The following CMC2 variants were observed in gnomAD, a reference collection of about 807,000 sequenced individuals.
CMC2 encodes the protein COX assembly mitochondrial protein 2 homolog.
Under a neutral mutation model 7.5 loss-of-function variants are expected in CMC2, and 5 were observed. The observed-to-expected ratio is 0.66, with a 90% CI of 0.35 to 1.40. CMC2 has a LOEUF of 1.40. Among genes scored for constraint, CMC2 ranks in the 40% most tolerant of loss-of-function variants. CMC2 has a pLI of 0.04. For missense variants in CMC2, 115 were observed against 92.3 expected (o/e 1.25, Z -1.01); for synonymous variants, 37 against 31.4 (o/e 1.18, Z -0.60).
intron 2 of CMC2, 186 bp downstream of exon 2, chr16:80,997,128 C>T: frequency 6.7e-6 from 4 of 595,180 alleles, no homozygotes; most frequent in Non-Finnish European, 1.2e-5. Flanking sequence ...TTTTACTAAT[C>T]ATAAAAGGAG....
Position 80,973,979 on chromosome 16 carries a change from C to G in CMC2, c.*2114G>C, listed in dbSNP as rs1007805924. 1.3e-5 allele frequency: 2 copies of G among 152,202 alleles called. No individual in the cohort carries two copies. The highest frequency in any genetic ancestry group is 4.8e-5 in the African/African-American group (2 of 41,452). The allele number at this position is 152,202 out of a possible 1,614,324, so 9.4% of individuals were successfully genotyped here. Reference sequence around the variant, plus strand: ...CTGACATTGGCCTACAGGGCCTTAGCTGGCATCTGCATGCTGACATCTCCC... The same window carrying G: ...CTGACATTGGCCTACAGGGCCTTAGGTGGCATCTGCATGCTGACATCTCCC... On this transcript the variant is annotated 3_prime_UTR_variant, in exon 4 of 4. Coordinates refer to ENST00000219400, the MANE Select transcript of CMC2 (RefSeq NM_020188.5).
At chr16:80,983,373 G>A (rs571928043) in intron 2 of CMC2, 1 of 152,306 alleles carries the variant, frequency 6.6e-6, no homozygotes, top group Admixed American at 6.5e-5. Context: ...TAAATGTTCT[G>A]CAAGTAGAAA....
At chr16:81,004,018 T>A (rs1278230698) in intron 1 of CMC2, among the ~76,000 whole-genome samples, 1 of 151,876 alleles carries the variant, frequency 6.6e-6, no homozygotes, top group South Asian at 2.1e-4. Context: ...AGGTCAGGAG[T>A]TCGAGACCAG....
chr16:80,996,122 C>T (rs1044244662), intron 2 of CMC2, among the ~76,000 whole-genome samples: 1 of 152,004 alleles, frequency 6.6e-6, no homozygotes, highest in Non-Finnish European at 1.5e-5. Context: ...GGTTGAAAAA[C>T]TCTGCCCCTT....
intron 3 of CMC2, chr16:80,978,185 A>G: frequency 1.3e-6 from 1 of 770,838 alleles, no homozygotes; most frequent in African/African-American, 1.9e-5. Flanking sequence ...AAAATCAATA[A>G]AACGTATTCT....
intron 3 of CMC2, among the ~76,000 whole-genome samples, chr16:80,976,591 G>A (rs1316974041): frequency 6.6e-6 from 1 of 152,160 alleles, no homozygotes; most frequent in Non-Finnish European, 1.5e-5. Flanking sequence ...TCACTTCCTT[G>A]AGAGGTAGCC....
intron 1 of CMC2, among the ~76,000 whole-genome samples, chr16:81,001,976 G>C (rs1968899684): frequency 6.6e-6 from 1 of 152,110 alleles, no homozygotes; most frequent in Non-Finnish European, 1.5e-5. Flanking sequence ...CTGACTCCAA[G>C]ATCCTTCCAA....
Position 80,970,400 on chromosome 16 carries a change from G to T in CMC2, c.*5693C>A, listed in dbSNP as rs1274671046. The T allele has an allele frequency of 6.6e-6, 1 of 152,164 alleles. No homozygotes were observed. Among genetic ancestry groups the T allele is most frequent in the African/African-American group, 2.4e-5 (1 of 41,424 alleles). 9.4% of individuals were successfully genotyped at this position (152,164 alleles called of 1,614,324 possible). A position where few individuals can be genotyped will look rare whatever the true frequency, so the allele number is the denominator to read the frequency against. ...CAAATATGGGAAGGCACACTAGAAG[G>T]AGGTGCAGTAGAGGTTGAGCAAGTC... On this transcript the variant is annotated 3_prime_UTR_variant, in exon 4 of 4. Transcript: ENST00000219400.
At position 80,971,562 on chromosome 16, in the gene CMC2, T is replaced by TATATATATATATATATATATATATATATA. The variant is rs1555512297; in HGVS notation, c.*4530_*4531insTATATATATATATATATATATATATATAT. The stretch of plus-strand genomic sequence containing the variant: ...GGCTATGGATACTGACATACATACA[T>TATATATATATATATATATATATATATATA]TTTATATATATATATATATATATGT... On this transcript the variant is annotated 3_prime_UTR_variant, in exon 4 of 4. Transcript: ENST00000219400. The TATATATATATATATATATATATATATATA allele has an allele frequency of 1.3e-5, 1 of 76,038 alleles. No homozygotes were observed. Among genetic ancestry groups the TATATATATATATATATATATATATATATA allele is most frequent in the Non-Finnish European group, 2.6e-5 (1 of 39,042 alleles). 4.7% of individuals were successfully genotyped at this position (76,038 alleles called of 1,614,324 possible). A position where few individuals can be genotyped will look rare whatever the true frequency, so the allele number is the denominator to read the frequency against.
At chr16:80,986,434 G>A (rs1025771829) in intron 2 of CMC2, among the ~76,000 whole-genome samples, 20 of 149,246 alleles carry the variant, frequency 1.3e-4, no homozygotes, top group African/African-American at 4.2e-4. Flanking sequence ...CAGCCTGGGC[G>A]ACAGAGTGAA....
At chr16:81,002,360 G>C (rs1968931210) in intron 1 of CMC2, among the ~76,000 whole-genome samples, 2 of 152,190 alleles carry the variant, frequency 1.3e-5, no homozygotes, top group African/African-American at 4.8e-5. Context: ...TGGGAGGCAA[G>C]GTTGCAGTGA....
chr16:80,990,986 C>T (rs1967948431), intron 2 of CMC2, among the ~76,000 whole-genome samples: 1 of 151,018 alleles, frequency 6.6e-6, no homozygotes, highest in Non-Finnish European at 1.5e-5. Flanking sequence ...CTCAGACTCC[C>T]AAAGTGCTGG....
chr16:81,002,475 C>A (rs1170481157), intron 1 of CMC2, among the ~76,000 whole-genome samples: 1 of 152,128 alleles, frequency 6.6e-6, no homozygotes, highest in Non-Finnish European at 1.5e-5. Context: ...TAGAAAATGT[C>A]TCTAACATTT....
rs984054665 is a variant in CMC2 at position 80,973,280 on chromosome 16, GC to G, written c.*2812del. The G allele has an allele frequency of 2.6e-5, 4 of 151,996 alleles. No individual in the cohort carries two copies. Among genetic ancestry groups the G allele is most frequent in the African/African-American group, 9.7e-5 (4 of 41,366 alleles). The allele number at this position is 151,996 out of a possible 1,614,324, so 9.4% of individuals were successfully genotyped here. A position where few individuals can be genotyped will look rare whatever the true frequency, so the allele number is the denominator to read the frequency against. Reference sequence around the variant, plus strand: ...TAAGCCCCTCACCCCTTTACCCCCTGCCCCATCAGCTGGGGCCCCACTCAAA... The same window carrying G: ...TAAGCCCCTCACCCCTTTACCCCCTGCCCATCAGCTGGGGCCCCACTCAAA... On this transcript the variant is annotated 3_prime_UTR_variant, in exon 4 of 4. Coordinates refer to ENST00000219400, the MANE Select transcript of CMC2 (RefSeq NM_020188.5).
At chr16:80,992,554 T>A (rs1157168494) in intron 2 of CMC2, among the ~76,000 whole-genome samples, 1 of 152,214 alleles carries the variant, frequency 6.6e-6, no homozygotes, top group African/African-American at 2.4e-5. Flanking sequence ...AGATAAGTAA[T>A]GGTATGTTCA....
intron 1 of CMC2, among the ~76,000 whole-genome samples, chr16:81,002,794 G>C (rs1262369971): frequency 6.6e-6 from 1 of 152,114 alleles, no homozygotes; most frequent in African/African-American, 2.4e-5. Flanking sequence ...GTTTTACTTT[G>C]AATTGACAAA....
At chr16:80,987,318 A>T in intron 2 of CMC2, among the ~76,000 whole-genome samples, 1 of 152,252 alleles carries the variant, frequency 6.6e-6, no homozygotes, top group East Asian at 1.9e-4. Context: ...GGGAAAATAC[A>T]AAAATTTTTA....
intron 1 of CMC2, among the ~76,000 whole-genome samples, chr16:81,004,157 G>A (rs1327604395): frequency 6.6e-6 from 1 of 152,216 alleles, no homozygotes; most frequent in Non-Finnish European, 1.5e-5. Flanking sequence ...TGGAGGCAGA[G>A]GTTGCAGTGA....
rs146990228 is a variant in CMC2 at position 80,975,703 on chromosome 16, T to C, written c.*390A>G. On this transcript the variant is annotated 3_prime_UTR_variant, in exon 4 of 4. Transcript: ENST00000219400. ...TTCAAATAGTTAACACTGCTGGGAT[T>C]TCCCCAGAATTCTTCAACATCATGT... The C allele has an allele frequency of 1.4e-3, 222 of 157,606 alleles. No individual in the cohort carries two copies. The highest frequency in any genetic ancestry group is 5.1e-3 in the African/African-American group (214 of 41,674). 9.8% of individuals were successfully genotyped at this position (157,606 alleles called of 1,614,324 possible). A position where few individuals can be genotyped will look rare whatever the true frequency, so the allele number is the denominator to read the frequency against.
Sources: gnomAD v4.1 joint callset for allele counts (sites outside exome capture counted in the v4.1 genomes callset) on GRCh38, gnomAD v4.1.1 for gene constraint, MANE v1.5 for transcripts, NCBI Gene and HGNC (gene_info 2026-07-23, HGNC 2026-07-21) for gene names.